TRMT9B: variants seen among roughly 807,000 people sequenced by gnomAD.
The protein encoded by TRMT9B is probable tRNA methyltransferase 9B.
TRMT9B carries 16 observed loss-of-function variants against 11.5 expected under a neutral mutation model. That is an observed-to-expected ratio of 1.39 (90% CI 0.94 to 2.11). The LOEUF (loss-of-function observed/expected upper bound fraction) is 2.11. TRMT9B is among the 30% of genes most tolerant of loss of function. TRMT9B has a pLI of 0.00. For synonymous variants in TRMT9B, 274 were observed against 192.4 expected (o/e 1.42, Z -3.51); for missense variants, 941 against 553.8 (o/e 1.70, Z -7.02).
intron 2 of TRMT9B, among the ~76,000 whole-genome samples, chr8:12,993,500 T>G (rs1463755701): frequency 1.3e-5 from 2 of 152,020 alleles, no homozygotes; most frequent in African/African-American, 4.8e-5. Flanking sequence ...TATGAATATA[T>G]TAGAGGGGAT....
chr8:12,955,721 C>G (rs1420465695), intron 1 of TRMT9B, among the ~76,000 whole-genome samples: 1 of 152,112 alleles, frequency 6.6e-6, no homozygotes, highest in Non-Finnish European at 1.5e-5. Flanking sequence ...GGAAACTATC[C>G]TAACTATTTC....
intron 1 of TRMT9B, chr8:12,962,177 G>C (rs1802207765): frequency 6.6e-6 from 1 of 152,426 alleles, no homozygotes; most frequent in South Asian, 2.1e-4. Context: ...CAGAAATGCA[G>C]ACCTTGATAT....
intron 2 of TRMT9B, among the ~76,000 whole-genome samples, chr8:12,997,074 G>A (rs1025348806): frequency 6.6e-6 from 1 of 151,820 alleles, no homozygotes; most frequent in East Asian, 1.9e-4. Flanking sequence ...ATCCAACAGT[G>A]TGTATTCTTT....
chr8:13,022,162 C>A lies in TRMT9B; in HGVS notation c.*118C>A. ...GTTAATCCATTTACGCTTTGGTCTG[C>A]AGAGACTATTAATTATTTGGTTGTT... On this transcript the variant is annotated 3_prime_UTR_variant, in exon 5 of 5. Transcript: ENST00000524591. The A allele has an allele frequency of 1.4e-6, 1 of 705,484 alleles. No homozygotes were observed. The highest frequency in any genetic ancestry group is 2.3e-6 in the Non-Finnish European group (1 of 440,982). The allele number at this position is 705,484 out of a possible 1,614,324, so 43.7% of individuals were successfully genotyped here. A position where few individuals can be genotyped will look rare whatever the true frequency, so the allele number is the denominator to read the frequency against.
intron 4 of TRMT9B, among the ~76,000 whole-genome samples, chr8:13,018,589 C>A (rs991829431): frequency 6.6e-6 from 1 of 152,068 alleles, no homozygotes; most frequent in Non-Finnish European, 1.5e-5. Context: ...TCTATAAAGT[C>A]TCTGTGAACA....
chr8:13,028,589 T>G lies in TRMT9B; in HGVS notation c.*6545T>G, dbSNP rs1585476477. The stretch of plus-strand genomic sequence containing the variant: ...CTTTTCTTTTCTTTTTTTTTTTTTT[T>G]TTTTGAGACAGTGTCTCACTCTGTC... On this transcript the variant is annotated 3_prime_UTR_variant, in exon 5 of 5. Transcript: ENST00000524591. 2 of 149,038 alleles carry G rather than the reference T, an allele frequency of 1.3e-5. No individual in the cohort carries two copies. The highest frequency in any genetic ancestry group is 3.9e-4 in the East Asian group (2 of 5,094). 9.2% of individuals were successfully genotyped at this position (149,038 alleles called of 1,614,324 possible).
At chr8:12,963,945 A>T (rs1178044046) in intron 1 of TRMT9B, among the ~76,000 whole-genome samples, 1 of 152,200 alleles carries the variant, frequency 6.6e-6, no homozygotes, top group Non-Finnish European at 1.5e-5. Context: ...TATTGTTTCC[A>T]TACTGGTTGA....
intron 1 of TRMT9B, among the ~76,000 whole-genome samples, chr8:12,950,453 T>C (rs570169878): frequency 6.6e-6 from 1 of 152,216 alleles, no homozygotes; most frequent in Admixed American, 6.5e-5. Context: ...TAGTTGTAGC[T>C]CCAGTGAATG....
At chr8:13,010,158 A>T (rs946285789) in intron 3 of TRMT9B, 2 of 746,912 alleles carry the variant, frequency 2.7e-6, no homozygotes, top group South Asian at 6.1e-5. Flanking sequence ...AAAAAGTCTC[A>T]CAAATAATAT....
At chr8:12,974,977 G>A (rs532565016) in intron 1 of TRMT9B, among the ~76,000 whole-genome samples, 11 of 151,284 alleles carry the variant, frequency 7.3e-5, no homozygotes, top group Non-Finnish European at 1.5e-4. Context: ...AAGCAGGGAA[G>A]TTAGGGTTGA....
At chr8:12,962,533 C>T (rs892871756) in intron 1 of TRMT9B, among the ~76,000 whole-genome samples, 1 of 152,108 alleles carries the variant, frequency 6.6e-6, no homozygotes, top group African/African-American at 2.4e-5. Flanking sequence ...CTCTATCACC[C>T]AGGCTGGAGT....
At chr8:12,979,862 A>G (rs961719848) in intron 1 of TRMT9B, among the ~76,000 whole-genome samples, 9 of 152,208 alleles carry the variant, frequency 5.9e-5, no homozygotes, top group Non-Finnish European at 1.0e-4. Flanking sequence ...GGAATACAGT[A>G]GGGACTGTAC....
At chr8:12,969,466 C>A (rs1343537436) in intron 1 of TRMT9B, among the ~76,000 whole-genome samples, 1 of 152,174 alleles carries the variant, frequency 6.6e-6, no homozygotes, top group African/African-American at 2.4e-5. Flanking sequence ...CATGGATGCA[C>A]AACTCTGTGA....
At chr8:12,999,562 T>C (rs1435068223) in intron 2 of TRMT9B, among the ~76,000 whole-genome samples, 4 of 152,226 alleles carry the variant, frequency 2.6e-5, no homozygotes, top group Admixed American at 1.3e-4. Context: ...AGAAATATTG[T>C]TGAATTGGCT....
intron 2 of TRMT9B, among the ~76,000 whole-genome samples, chr8:12,992,228 T>G (rs1807477337): frequency 1.3e-5 from 2 of 152,168 alleles, no homozygotes; most frequent in Admixed American, 1.3e-4. Flanking sequence ...TAGAGATATA[T>G]AAAAACATCA....
intron 1 of TRMT9B, among the ~76,000 whole-genome samples, chr8:12,958,205 G>A (rs148587597): frequency 3.3e-5 from 5 of 152,036 alleles, no homozygotes; most frequent in East Asian, 1.9e-4. Context: ...CATTGTTTAC[G>A]CCACATTATG....
Position 13,021,892 on chromosome 8 carries a change from T to C in TRMT9B, c.1213T>C (p.Ser405Pro). Residue 405 changes from serine (S) to proline (P), a missense_variant, in exon 5 of 5, where the codon TCC becomes CCC. By Grantham distance (74) the Ser-to-Pro change is moderately conservative. Transcript: ENST00000524591. ...AGATCCACAGACTGATGTTTTGGAC[T>C]CCACAGCCTTTATGCGCTACTACCA... is the stretch of plus-strand genomic sequence containing the variant. ...VEDPQTDVLD[S>P]TAFMRYYHVF... 6.2e-7 allele frequency: 1 copy of C among 1,613,822 alleles called. No homozygotes were observed. Among genetic ancestry groups the C allele is most frequent in the Non-Finnish European group, 8.5e-7 (1 of 1,179,880 alleles).
At chr8:12,972,292 T>C (rs11203990) in intron 1 of TRMT9B, among the ~76,000 whole-genome samples, 7,469 of 152,172 alleles carry the variant, frequency 0.049, 225 homozygotes, top group South Asian at 0.1. Context: ...CAGACTCCCG[T>C]GGAGGCGGGG....
intron 4 of TRMT9B, among the ~76,000 whole-genome samples, chr8:13,019,946 G>A (rs1227877026): frequency 6.6e-6 from 1 of 152,184 alleles, no homozygotes; most frequent in Non-Finnish European, 1.5e-5. Context: ...GTGTGCTGTT[G>A]ATAGGAATGA....
Sources: allele counts gnomAD v4.1 joint callset (sites outside exome capture counted in the v4.1 genomes callset), GRCh38; gene constraint gnomAD v4.1.1; transcripts MANE v1.5; gene names NCBI Gene and HGNC (gene_info 2026-07-23, HGNC 2026-07-21).